XPO1: variants seen among roughly 807,000 people sequenced by gnomAD.
The protein encoded by XPO1 is exportin 1.
A neutral mutation model predicts 133.3 loss-of-function variants in XPO1; 5 were observed. The observed-to-expected ratio is 0.04, with a 90% confidence interval of 0.02 to 0.08. XPO1 has a LOEUF of 0.08. Ranked by LOEUF, XPO1 falls within the 10% of genes least tolerant of loss-of-function variation. XPO1 has a pLI of 1.00. For missense variants in XPO1, 506 were observed against 1,267.5 expected, an observed-to-expected ratio of 0.40 and a Z score of 9.12; for synonymous variants, 419 against 408.2, an observed-to-expected ratio of 1.03 and a Z score of -0.32.
chr2:61,487,454 C>G (rs543446454), intron 19 of XPO1, among the ~76,000 whole-genome samples: 5 of 151,486 alleles, frequency 3.3e-5, no homozygotes, highest in Non-Finnish European at 7.4e-5. Context: ...ATATTCAGAA[C>G]AAGTTTACTG....
chr2:61,490,263 A>G (rs934956146), intron 17 of XPO1, among the ~76,000 whole-genome samples: 2 of 145,656 alleles, frequency 1.4e-5, no homozygotes, highest in African/African-American at 5.1e-5. Flanking sequence ...CAGTAGCTCA[A>G]TCTCGGCTCA....
At position 61,484,035 on chromosome 2, in the gene XPO1, A is replaced by T; in HGVS notation, c.2579T>A (p.Phe860Tyr). Reference protein sequence around the residue: ...LLLQAVNSHCFPAFLAIPPTQ... With the variant: ...LLLQAVNSHCYPAFLAIPPTQ... Reference sequence around the variant, plus strand: ...AGGTGGAATAGCAAGGAATGCTGGGAAACAATGAGAATTGACAGCCTGAAG... The same window carrying T: ...AGGTGGAATAGCAAGGAATGCTGGGTAACAATGAGAATTGACAGCCTGAAG... The change falls in exon 21 of 25, where the codon TTC becomes TAC. Residue 860 changes from phenylalanine (F) to tyrosine (Y), a missense_variant. Physicochemically the swap from Phe to Tyr is conservative, Grantham distance 22. Coordinates refer to ENST00000401558, the MANE Select transcript of XPO1 (RefSeq NM_003400.4). The T allele has an allele frequency of 6.2e-7, 1 of 1,613,958 alleles. No individual in the cohort carries two copies. Among genetic ancestry groups the T allele is most frequent in the South Asian group, 1.1e-5 (1 of 91,066 alleles).
intron 2 of XPO1, among the ~76,000 whole-genome samples, chr2:61,530,382 G>C (rs989859444): frequency 1.3e-5 from 2 of 151,568 alleles, no homozygotes; most frequent in African/African-American, 2.4e-5. Context: ...ACCCCAGCAG[G>C]GGTTTAAAAA....
At chr2:61,537,064 C>G (rs951647739) in intron 1 of XPO1, 1 of 152,220 alleles carries the variant, frequency 6.6e-6, no homozygotes, top group Non-Finnish European at 1.5e-5. Flanking sequence ...AGTTTCCTTG[C>G]TGGAGGAACA....
chr2:61,519,698 CAAAAAAAAA>C (rs753424450), intron 4 of XPO1, among the ~76,000 whole-genome samples: 1,166 of 72,790 alleles, frequency 0.016, 24 homozygotes, highest in African/African-American at 0.073. Flanking sequence ...GACTCCGTCT[CAAAAAAAAA>C]AAAAAAAAAA....
intron 6 of XPO1, among the ~76,000 whole-genome samples, chr2:61,501,765 C>CAT (rs34190304): frequency 0.63 from 93,453 of 148,646 alleles, 29,530 homozygotes; most frequent in Middle Eastern, 0.7. Flanking sequence ...AAGAATCCAA[C>CAT]AGAGTCCAGT....
At chr2:61,488,330 A>T in intron 18 of XPO1, 59 bp from the exon 19 acceptor site, 1 of 1,462,968 alleles carries the variant, frequency 6.8e-7, no homozygotes. Flanking sequence ...AGTGGTACTC[A>T]GGTGTACATT....
At chr2:61,511,954 G>C (rs190155060) in intron 4 of XPO1, among the ~76,000 whole-genome samples, 2 of 152,034 alleles carry the variant, frequency 1.3e-5, no homozygotes, top group East Asian at 3.9e-4. Context: ...ATTTTTAGTA[G>C]AGACGGGGTT....
At chr2:61,485,415 T>C (rs1449264794) in intron 20 of XPO1, 1 of 168,830 alleles carries the variant, frequency 5.9e-6, no homozygotes, top group Non-Finnish European at 1.3e-5. Context: ...ATTCTTCTTC[T>C]TGGAGTGCAG....
chr2:61,527,362 C>A (rs1043766790), intron 2 of XPO1, among the ~76,000 whole-genome samples: 2 of 150,378 alleles, frequency 1.3e-5, no homozygotes, highest in East Asian at 3.9e-4. Flanking sequence ...GTGGCTTGCA[C>A]CTATAGTCCT....
intron 3 of XPO1, chr2:61,525,877 G>A: frequency 5.7e-6 from 6 of 1,047,108 alleles, no homozygotes; most frequent in African/African-American, 1.7e-5. Context: ...AGTTTAAAGA[G>A]AAGCGTGAAT....
chr2:61,527,318 C>A (rs1698946003), intron 2 of XPO1, among the ~76,000 whole-genome samples: 1 of 116,914 alleles, frequency 8.6e-6, no homozygotes, highest in Admixed American at 9.6e-5. Flanking sequence ...GGCCATGACT[C>A]TCCAAAAAAA....
chr2:61,537,379 A>G (rs1000572869), intron 1 of XPO1, among the ~76,000 whole-genome samples, 183 bp downstream of exon 1: 4 of 149,318 alleles, frequency 2.7e-5, no homozygotes, highest in African/African-American at 9.8e-5. Context: ...TCCATCCCCC[A>G]GCGGCAAAAG....
intron 1 of XPO1, among the ~76,000 whole-genome samples, chr2:61,534,829 C>T (rs924007556): frequency 6.6e-6 from 1 of 152,090 alleles, no homozygotes; most frequent in African/African-American, 2.4e-5. Flanking sequence ...AATAACTTAG[C>T]TTCTACACTC....
At chr2:61,490,797 T>A (rs777520896) in intron 16 of XPO1, 21 bp from the exon 17 acceptor site, 6 of 1,609,066 alleles carry the variant, frequency 3.7e-6, no homozygotes, top group Non-Finnish European at 5.1e-6. Context: ...AAGCAGACAT[T>A]TTAACGTTTA....
chr2:61,509,254 C>A (rs546685935), intron 4 of XPO1, among the ~76,000 whole-genome samples: 89 of 152,102 alleles, frequency 5.9e-4, no homozygotes, highest in African/African-American at 1.8e-3. Flanking sequence ...ACCCACCTGC[C>A]TCAGCCTCCC....
intron 1 of XPO1, among the ~76,000 whole-genome samples, chr2:61,535,667 T>C (rs1699328453): frequency 6.6e-6 from 1 of 152,138 alleles, no homozygotes; most frequent in Non-Finnish European, 1.5e-5. Flanking sequence ...GATGTAAAAA[T>C]AATGTAAAAC....
intron 4 of XPO1, among the ~76,000 whole-genome samples, chr2:61,518,965 GCT>G (rs944286147): frequency 4.7e-4 from 71 of 152,072 alleles, no homozygotes; most frequent in African/African-American, 1.7e-3. Context: ...TCTATCTTTT[GCT>G]CTTTTTTTTT....
At chr2:61,523,401 C>A (rs957122805) in intron 3 of XPO1, among the ~76,000 whole-genome samples, 1 of 152,110 alleles carries the variant, frequency 6.6e-6, no homozygotes, top group African/African-American at 2.4e-5. Context: ...AACAGAGATA[C>A]CACTTTCAAG....
Sources: gnomAD v4.1 joint callset for allele counts (sites outside exome capture counted in the v4.1 genomes callset) on GRCh38, gnomAD v4.1.1 for gene constraint, MANE v1.5 for transcripts, NCBI Gene and HGNC (gene_info 2026-07-23, HGNC 2026-07-21) for gene names.